Variants in ENOX2 observed in about 807,000 individuals in gnomAD.
ENOX2 encodes the protein APK1 antigen.
Under a neutral mutation model 45.0 loss-of-function variants are expected in ENOX2, and 36 were observed. That is an observed-to-expected ratio of 0.80 (90% CI 0.61 to 1.06). The LOEUF (loss-of-function observed/expected upper bound fraction) is 1.06. Among genes scored for constraint, ENOX2 ranks in the 50% least tolerant of loss-of-function variants. The pLI is 0.00. For synonymous variants in ENOX2, 174 were observed against 152.3 expected (o/e 1.14, Z -1.05); for missense variants, 423 against 462.5 (o/e 0.91, Z 0.78).
intron 10 of ENOX2, among the ~76,000 whole-genome samples, chrX:130,643,092 G>A (rs1402895383): frequency 9.0e-6 from 1 of 111,266 alleles, no homozygotes; most frequent in Admixed American, 9.5e-5. Flanking sequence ...GATACTTGCA[G>A]TACCCATGAA....
At chrX:130,860,325 C>T (rs182208407) in intron 2 of ENOX2, among the ~76,000 whole-genome samples, 1 of 111,811 alleles carries the variant, frequency 8.9e-6, no homozygotes, top group Admixed American at 9.4e-5. Context: ...GTCTTCACTC[C>T]CACGGATTTC....
intron 3 of ENOX2, among the ~76,000 whole-genome samples, chrX:130,780,615 A>G (rs1323796412): frequency 8.9e-6 from 1 of 111,868 alleles, no homozygotes; most frequent in African/African-American, 3.3e-5. Flanking sequence ...AATAGCATCA[A>G]ATGAAACAAA....
intron 2 of ENOX2, among the ~76,000 whole-genome samples, chrX:130,816,332 C>T (rs960333423): frequency 2.7e-5 from 3 of 110,943 alleles, no homozygotes; most frequent in African/African-American, 9.9e-5. Flanking sequence ...GATTTTAACA[C>T]CCCACTGTCA....
chrX:130,704,951 A>G (rs986872069), intron 3 of ENOX2, among the ~76,000 whole-genome samples: 1 of 112,396 alleles, frequency 8.9e-6, no homozygotes, highest in Admixed American at 9.4e-5. Flanking sequence ...AAGGCTAGAA[A>G]TAGCCTCCTT....
intron 4 of ENOX2, among the ~76,000 whole-genome samples, chrX:130,702,551 C>A (rs1433689788): frequency 2.7e-5 from 3 of 111,978 alleles, no homozygotes; most frequent in African/African-American, 9.7e-5. Context: ...CTAAACAAAA[C>A]CCTCCAGGTG....
At chrX:130,681,392 G>A (rs1055241331) in intron 5 of ENOX2, among the ~76,000 whole-genome samples, 3 of 109,344 alleles carry the variant, frequency 2.7e-5, no homozygotes, top group Admixed American at 9.7e-5. Flanking sequence ...CTGTGCATTC[G>A]TTTTTTTTTG....
At chrX:130,811,964 T>C (rs963320271) in intron 2 of ENOX2, among the ~76,000 whole-genome samples, 23 of 111,407 alleles carry the variant, frequency 2.1e-4, no homozygotes, top group African/African-American at 7.5e-4. Context: ...GCAGGCTTGA[T>C]CAGGCAGGAG....
intron 2 of ENOX2, among the ~76,000 whole-genome samples, chrX:130,886,806 A>T (rs1043409229): frequency 8.9e-6 from 1 of 112,398 alleles, no homozygotes; most frequent in African/African-American, 3.2e-5. Context: ...AAATCTATAC[A>T]ACCAATTAAC....
At position 130,902,815 on chromosome X, in the gene ENOX2, CA is replaced by C. The variant is rs763644761; in HGVS notation, c.-231+233del. Among the ~76,000 whole-genome samples, 275 of 48,810 alleles carry C rather than the reference CA, an allele frequency of 5.6e-3. 1 individual carries two copies. Among genetic ancestry groups the C allele is most frequent in the African/African-American group, 0.01 (132 of 13,045 alleles). The allele number at this position is 48,810 out of a possible 115,157, so 42.4% of individuals were successfully genotyped here. A position where few individuals can be genotyped will look rare whatever the true frequency, so the allele number is the denominator to read the frequency against. ...AAAAAAAGGGGCGGGCGAGTTGGACCAAAAAAAAAAAAAAAAAAGAGCAAAG... is the reference window on the plus strand; with the variant it reads ...AAAAAAAGGGGCGGGCGAGTTGGACCAAAAAAAAAAAAAAAAAGAGCAAAG... On this transcript the variant is annotated intron_variant, in intron 1 of 14. Transcript: ENST00000394363.
At chrX:130,652,367 C>T (rs777882963) in intron 10 of ENOX2, among the ~76,000 whole-genome samples, 4 of 111,936 alleles carry the variant, frequency 3.6e-5, no homozygotes, top group African/African-American at 1.3e-4. Flanking sequence ...CTGTATCCAA[C>T]CTTTTGCTCT....
intron 3 of ENOX2, among the ~76,000 whole-genome samples, chrX:130,765,547 T>C (rs1407184634): frequency 8.9e-6 from 1 of 111,894 alleles, no homozygotes; most frequent in Non-Finnish European, 1.9e-5. Context: ...TGTGTGGTTG[T>C]AGTTCATTTG....
intron 6 of ENOX2, among the ~76,000 whole-genome samples, chrX:130,670,719 T>G (rs1160680014): frequency 9.2e-6 from 1 of 108,120 alleles, no homozygotes; most frequent in Non-Finnish European, 1.9e-5. Flanking sequence ...CTGTGAGCCA[T>G]TTTTTTTCTA....
intron 3 of ENOX2, chrX:130,709,145 A>T: frequency 1.4e-6 from 1 of 720,484 alleles, no homozygotes; most frequent in South Asian, 2.4e-5. Flanking sequence ...TTACTTCTGC[A>T]CCCTTTACTG....
At chrX:130,829,898 A>C (rs2077788852) in intron 2 of ENOX2, among the ~76,000 whole-genome samples, 1 of 112,080 alleles carries the variant, frequency 8.9e-6, no homozygotes, top group Non-Finnish European at 1.9e-5. Context: ...GAGATCAAGA[A>C]TTGTCACAAG....
At chrX:130,845,074 T>C (rs1323411805) in intron 2 of ENOX2, among the ~76,000 whole-genome samples, 5 of 112,537 alleles carry the variant, frequency 4.4e-5, no homozygotes, top group Non-Finnish European at 9.4e-5. Flanking sequence ...GTAATGCATA[T>C]GTCCAAAAAC....
intron 2 of ENOX2, among the ~76,000 whole-genome samples, chrX:130,847,470 T>G (rs893500324): frequency 1.8e-5 from 2 of 111,714 alleles, no homozygotes; most frequent in Non-Finnish European, 3.8e-5. Context: ...AAAAAACAAT[T>G]AAGCTGCTAT....
chrX:130,852,947 C>T (rs1360957067), intron 2 of ENOX2, among the ~76,000 whole-genome samples: 1 of 111,297 alleles, frequency 9.0e-6, no homozygotes. Context: ...GCACATCTCT[C>T]TATTTCTCCC....
At chrX:130,697,260 T>A (rs1234350872) in intron 4 of ENOX2, among the ~76,000 whole-genome samples, 1 of 111,653 alleles carries the variant, frequency 9.0e-6, no homozygotes, top group Non-Finnish European at 1.9e-5. Context: ...TTTGTGAACC[T>A]TCTCTGACCA....
At chrX:130,882,623 A>C (rs1251881396) in intron 2 of ENOX2, among the ~76,000 whole-genome samples, 1 of 112,114 alleles carries the variant, frequency 8.9e-6, no homozygotes, top group Non-Finnish European at 1.9e-5. Context: ...CATGAGTAGT[A>C]GCAATGTTTA....
Sources: gnomAD v4.1 joint callset for allele counts (sites outside exome capture counted in the v4.1 genomes callset) on GRCh38, gnomAD v4.1.1 for gene constraint, MANE v1.5 for transcripts, NCBI Gene and HGNC (gene_info 2026-07-23, HGNC 2026-07-21) for gene names.